The following VANGL1 variants were observed in gnomAD, a reference collection of about 807,000 sequenced individuals.
VANGL1 encodes vang-like protein 1.
VANGL1 carries 18 observed loss-of-function variants against 48.4 expected under a neutral mutation model. That is an observed-to-expected ratio of 0.37 (90% CI 0.26 to 0.55). VANGL1 has a LOEUF of 0.55. VANGL1 is among the 20% of genes least tolerant of loss of function. The pLI is 0.81. For missense variants in VANGL1, 667 were observed against 675.8 expected (o/e 0.99, Z 0.14); for synonymous variants, 257 against 261.8 (o/e 0.98, Z 0.18).
At position 115,685,350 on chromosome 1, in the gene VANGL1, G is replaced by A. The variant is rs762912304; in HGVS notation, c.1137G>A (p.Glu379=). 1.2e-6 allele frequency: 2 copies of A among 1,614,058 alleles called. No individual in the cohort carries two copies. The highest frequency in any genetic ancestry group is 1.1e-5 in the South Asian group (1 of 91,082). ...ACATTCAGCGTCTCCAGGCTGAGGA[G>A]CAGCAGAAAGCCCCAGGGGAGGTGA... ...FIHIQRLQAE[E]QQKAPGEVMD... The change falls in exon 7 of 8, where the codon GAG becomes GAA. Residue 379 remains glutamate (E), a synonymous_variant. Coordinates refer to ENST00000355485, the MANE Select transcript of VANGL1 (RefSeq NM_138959.3).
rs1654028023 is a variant in VANGL1, at chr1:115,696,346, T to A, written c.*4967T>A. The A allele has an allele frequency of 6.6e-6, 1 of 152,276 alleles. No homozygotes were observed. 9.4% of individuals were successfully genotyped at this position (152,276 alleles called of 1,614,324 possible). ...TGGCCTGGCCTCCTTGACGTAGGTGTTCTCAGCAAGCAGTTTGCATCCCAC... is the reference window on the plus strand; with the variant it reads ...TGGCCTGGCCTCCTTGACGTAGGTGATCTCAGCAAGCAGTTTGCATCCCAC... On this transcript the variant is annotated 3_prime_UTR_variant, in exon 8 of 8. Coordinates refer to ENST00000355485, the MANE Select transcript of VANGL1 (RefSeq NM_138959.3).
At chr1:115,672,512 G>A (rs543504885) in intron 4 of VANGL1, among the ~76,000 whole-genome samples, 2 of 152,272 alleles carry the variant, frequency 1.3e-5, no homozygotes, top group East Asian at 3.9e-4. Flanking sequence ...GGGATGGTCA[G>A]TCTCCTGTGT....
chr1:115,684,174 T>C, intron 6 of VANGL1, 98 bp downstream of exon 6: 1 of 1,241,450 alleles, frequency 8.1e-7, no homozygotes, highest in Non-Finnish European at 1.0e-6. Context: ...AATCTCACTC[T>C]GTTGCCCAGG....
At chr1:115,671,039 A>C (rs1652955163) in intron 4 of VANGL1, 1 of 152,278 alleles carries the variant, frequency 6.6e-6, no homozygotes, top group Non-Finnish European at 1.5e-5. Context: ...GTGTTTATTC[A>C]GCTGCCTCCT....
In VANGL1 at chr1:115,685,412, C is replaced by A; in HGVS notation, c.1199C>A (p.Ser400Tyr). 6.2e-7 allele frequency: 1 copy of A among 1,614,180 alleles called. No individual in the cohort carries two copies. Among genetic ancestry groups the A allele is most frequent in the Non-Finnish European group, 8.5e-7 (1 of 1,180,026 alleles). ...GAGGCCGCCCAGGCCATTTTCCCCT[C>A]CATGGCCAGGGCTCTCCAGAAGTAC... The part of the protein sequence containing the change: ...PREAAQAIFP[S>Y]MARALQKYLR... The change falls in exon 7 of 8, where the codon TCC becomes TAC. Residue 400 changes from serine (S) to tyrosine (Y), a missense_variant. Ser to Tyr is a moderately radical substitution (Grantham distance 144). Coordinates refer to ENST00000355485, the MANE Select transcript of VANGL1 (RefSeq NM_138959.3).
rs977572132 is a variant in VANGL1 at position 115,687,375 on chromosome 1, A to G, written c.1314+1848A>G. Among the ~76,000 whole-genome samples the G allele has an allele frequency of 5.8e-5, 8 of 139,086 alleles. 1 individual carries two copies. Among genetic ancestry groups the G allele is most frequent in the Non-Finnish European group, 1.6e-5 (1 of 63,494 alleles). The allele number at this position is 139,086 out of a possible 152,430, so 91.2% of individuals were successfully genotyped here. ...TGAATACTGTGGTTGCAAATGAGGA[A>G]AATATGTCTGCAGGTATAAAATGAT... On this transcript the variant is annotated intron_variant, in intron 7 of 7. Coordinates refer to ENST00000355485, the MANE Select transcript of VANGL1 (RefSeq NM_138959.3).
chr1:115,653,735 A>G (rs1652240274), intron 2 of VANGL1, among the ~76,000 whole-genome samples: 1 of 152,256 alleles, frequency 6.6e-6, no homozygotes, highest in South Asian at 2.1e-4. Context: ...AACAACACGC[A>G]GAATTTTTAA....
In VANGL1 at chr1:115,697,924, G is replaced by C. The variant is rs572059562; in HGVS notation, c.*6545G>C. 6.6e-6 allele frequency: 1 copy of C among 152,166 alleles called. No individual in the cohort carries two copies. Among genetic ancestry groups the C allele is most frequent in the African/African-American group, 2.4e-5 (1 of 41,444 alleles). The allele number at this position is 152,166 out of a possible 1,614,324, so 9.4% of individuals were successfully genotyped here. On this transcript the variant is annotated 3_prime_UTR_variant, in exon 8 of 8. Transcript: ENST00000355485. Reference sequence around the variant, plus strand: ...CTGAGTGAGTTCCTGCATAAACTGGGTAGTGGGCTCTTTTGACACATTTGC... The same window carrying C: ...CTGAGTGAGTTCCTGCATAAACTGGCTAGTGGGCTCTTTTGACACATTTGC...
intron 2 of VANGL1, among the ~76,000 whole-genome samples, chr1:115,653,810 A>G (rs10923130): frequency 0.043 from 6,504 of 152,296 alleles, 421 homozygotes; most frequent in African/African-American, 0.14. Context: ...CTTTTAATCA[A>G]TTATTCAAAA....
At chr1:115,672,293 G>A (rs1234497279) in intron 4 of VANGL1, among the ~76,000 whole-genome samples, 1 of 152,164 alleles carries the variant, frequency 6.6e-6, no homozygotes, top group Non-Finnish European at 1.5e-5. Flanking sequence ...GGGATACCCT[G>A]CAGGGCTTGT....
chr1:115,658,618 G>A (rs1652432566), intron 2 of VANGL1, among the ~76,000 whole-genome samples: 1 of 152,194 alleles, frequency 6.6e-6, no homozygotes, highest in South Asian at 2.1e-4. Flanking sequence ...GGGAATGACG[G>A]CAAGTGGTTG....
At chr1:115,684,427 A>T (rs10923186) in intron 6 of VANGL1, among the ~76,000 whole-genome samples, 68,324 of 152,066 alleles carry the variant, frequency 0.45, 15,626 homozygotes, top group African/African-American at 0.51. Flanking sequence ...GGCATGAGCC[A>T]CCATGCCCGG....
rs772680998 is a variant in VANGL1 at position 115,663,714 on chromosome 1, C to G, written c.258C>G (p.Ser86Arg). ...TTAITGTSEH[S>R]ISQEDIARIS... is the part of the protein sequence containing the mutation. ...CCATCACAGGCACCTCGGAGCACAG[C>G]ATATCCCAAGAGGACATTGCCAGGA... Residue 86 changes from serine (S) to arginine (R), a missense_variant, in exon 4 of 8, where the codon AGC becomes AGG. By Grantham distance (110) the Ser-to-Arg change is moderately radical. Coordinates refer to ENST00000355485, the MANE Select transcript of VANGL1 (RefSeq NM_138959.3). 1 of 1,614,212 alleles carries G rather than the reference C, an allele frequency of 6.2e-7. No individual in the cohort carries two copies. Among genetic ancestry groups the G allele is most frequent in the South Asian group, 1.1e-5 (1 of 91,084 alleles).
intron 4 of VANGL1, among the ~76,000 whole-genome samples, chr1:115,666,739 C>A (rs1445969555): frequency 6.6e-6 from 1 of 152,134 alleles, no homozygotes; most frequent in African/African-American, 2.4e-5. Flanking sequence ...AATAAGGCCC[C>A]CTTTGTCCCT....
chr1:115,657,306 A>G (rs938405153), intron 2 of VANGL1, among the ~76,000 whole-genome samples: 1 of 152,166 alleles, frequency 6.6e-6, no homozygotes, highest in Non-Finnish European at 1.5e-5. Context: ...ATGCCATGAA[A>G]TCTTCCAATT....
At position 115,676,246 on chromosome 1, in the gene VANGL1, C is replaced by G. The variant is rs371005722; in HGVS notation, c.813-6118C>G. Among the ~76,000 whole-genome samples the G allele has an allele frequency of 9.3e-4, 141 of 152,226 alleles. 2 individuals carry two copies. In the Middle Eastern group the frequency reaches 0.027, roughly 29 times the overall value. On this transcript the variant is annotated intron_variant, in intron 4 of 7. Coordinates refer to ENST00000355485, the MANE Select transcript of VANGL1 (RefSeq NM_138959.3). ...CTAGACCTTCTGGAATCTAGTACTCCTACAATGGATGCCTCCCTATAGGTA... is the reference window on the plus strand; with the variant it reads ...CTAGACCTTCTGGAATCTAGTACTCGTACAATGGATGCCTCCCTATAGGTA...
At chr1:115,684,173 C>G in intron 6 of VANGL1, 97 bp downstream of exon 6, 2 of 1,243,806 alleles carry the variant, frequency 1.6e-6, no homozygotes, top group South Asian at 3.3e-5. Flanking sequence ...GAATCTCACT[C>G]TGTTGCCCAG....
chr1:115,642,882 G>A (rs1651789604), intron 1 of VANGL1, among the ~76,000 whole-genome samples: 1 of 152,208 alleles, frequency 6.6e-6, no homozygotes, highest in South Asian at 2.1e-4. Flanking sequence ...AGAGAAGTGT[G>A]AAGCTTTATA....
chr1:115,652,003 C>T (rs891476240), intron 2 of VANGL1, among the ~76,000 whole-genome samples: 5 of 152,122 alleles, frequency 3.3e-5, no homozygotes, highest in East Asian at 1.9e-4. Context: ...CCGCCCGCCT[C>T]GGTTTCTAGG....
Sources: allele counts gnomAD v4.1 joint callset (sites outside exome capture counted in the v4.1 genomes callset), GRCh38; gene constraint gnomAD v4.1.1; transcripts MANE v1.5; gene names NCBI Gene and HGNC (gene_info 2026-07-23, HGNC 2026-07-21).